LIMS2: variants seen among roughly 807,000 people sequenced by gnomAD.
LIMS2 encodes the protein LIM and senescent cell antigen-like-containing domain protein 2.
In LIMS2, 30 loss-of-function variants were observed where a neutral mutation model predicts 45.3. The ratio of observed to expected loss-of-function variants is 0.66; its 90% CI spans 0.50 to 0.90. LIMS2 has a LOEUF of 0.90. LIMS2 is among the 40% of genes least tolerant of loss of function. LIMS2 has a pLI of 0.00. For synonymous variants in LIMS2, 173 were observed against 188.0 expected (o/e 0.92, Z 0.65); for missense variants, 485 against 468.7 (o/e 1.03, Z -0.32).
At position 127,672,183 on chromosome 2, in the gene LIMS2, A is replaced by G. The variant is rs1366533303; in HGVS notation, c.11+2831T>C. ...AACATCCCAGGCTCCATTTCCAGGA[A>G]TGCCAGGGACAGCTGGGTCCCTAGG... On this transcript the variant is annotated intron_variant, in intron 1 of 9. Coordinates refer to ENST00000355119, the MANE Select transcript of LIMS2 (RefSeq NM_001161403.3). The surrounding 1 kb of genome is among the most constrained non-coding windows in gnomAD (Gnocchi z 4.9). 6.6e-6 allele frequency among the ~76,000 whole-genome samples: 1 copy of G among 152,220 alleles called. No individual in the cohort carries two copies. Among genetic ancestry groups the G allele is most frequent in the African/African-American group, 2.4e-5 (1 of 41,450 alleles).
At chr2:127,662,226 T>C (rs1331086844) in intron 1 of LIMS2, among the ~76,000 whole-genome samples, 1 of 152,162 alleles carries the variant, frequency 6.6e-6, no homozygotes, top group East Asian at 1.9e-4. Flanking sequence ...CAGGAATAGC[T>C]ACCTCCAGGG....
chr2:127,651,162 C>G (rs192682507), intron 4 of LIMS2: 1 of 1,612,884 alleles, frequency 6.2e-7, no homozygotes, highest in Admixed American at 1.7e-5. Context: ...CCTCAAGCTC[C>G]GCAGGCCCCT....
intron 7 of LIMS2, 44 bp from the exon 8 acceptor site, chr2:127,640,362 C>T: frequency 1.2e-6 from 2 of 1,600,954 alleles, no homozygotes; most frequent in Non-Finnish European, 1.7e-6. Flanking sequence ...GGCAGTCACA[C>T]CCCAGCCCAG....
Position 127,640,140 on chromosome 2 carries a change from ACAC to A in LIMS2, c.805_807del (p.Val269del). On this transcript the variant is annotated inframe_deletion and splice_region_variant, in exon 9 of 10. Transcript: ENST00000355119. ...ACACACCAGGCCTTGTTGAGGGCCG[ACAC>A]CACTGTGAGGGAAGCGTGGGACTCA... 6.2e-7 allele frequency: 1 copy of A among 1,613,364 alleles called. No individual in the cohort carries two copies. The highest frequency in any genetic ancestry group is 8.5e-7 in the Non-Finnish European group (1 of 1,180,016).
upstream of LIMS2, among the ~76,000 whole-genome samples, chr2:127,679,960 T>A (rs1301611532): frequency 1.3e-5 from 2 of 152,182 alleles, no homozygotes; most frequent in Non-Finnish European, 2.9e-5. This position sits in a 1 kb window ranked among gnomAD's most constrained non-coding sequence, Gnocchi z 5.3. Flanking sequence ...TGGCCCCGTG[T>A]GATGTGAGGC....
At chr2:127,674,848 C>T (rs1423021599) in intron 1 of LIMS2, 166 bp downstream of exon 1, 1 of 985,228 alleles carries the variant, frequency 1.0e-6, no homozygotes, top group African/African-American at 1.7e-5. Context: ...GGCTGGGGGA[C>T]CCCTGCCCCG....
At position 127,673,728 on chromosome 2, in the gene LIMS2, T is replaced by C. The variant is rs1382707548; in HGVS notation, c.11+1286A>G. The C allele has an allele frequency of 2.6e-6, 4 of 1,551,404 alleles. No homozygotes were observed. In the South Asian group the frequency reaches 4.8e-5, roughly 18 times the overall value. ...CTGCTCCGGACCCTGTTCCTGTCTC[T>C]CCCCACTTTCTTTTCCTAGAAAACA... On this transcript the variant is annotated intron_variant, in intron 1 of 9. Coordinates refer to ENST00000355119, the MANE Select transcript of LIMS2 (RefSeq NM_001161403.3).
At chr2:127,641,273 C>CGAG in intron 6 of LIMS2, 1 of 303,454 alleles carries the variant, frequency 3.3e-6, no homozygotes, top group Non-Finnish European at 6.3e-6. Context: ...TGTGAGTCAC[C>CGAG]ATCCCCTCCC....
intron 4 of LIMS2, chr2:127,648,265 A>C: frequency 1.1e-6 from 1 of 908,456 alleles, no homozygotes; most frequent in Non-Finnish European, 1.3e-6. Context: ...AAACACTCTG[A>C]AGCCGGGGGC....
In LIMS2 at chr2:127,641,982, C is replaced by A. The variant is rs750101912; in HGVS notation, c.660+67G>T. On this transcript the variant is annotated intron_variant, in intron 6 of 9. Coordinates refer to ENST00000355119, the MANE Select transcript of LIMS2 (RefSeq NM_001161403.3). ...CTGGGAGTGTGGAGGAGCTTTAGGGCTCTTACCATGACCCTGAGCTGGGGC... is the reference window on the plus strand; with the variant it reads ...CTGGGAGTGTGGAGGAGCTTTAGGGATCTTACCATGACCCTGAGCTGGGGC... 8 of 1,549,526 alleles carry A rather than the reference C, an allele frequency of 5.2e-6. No homozygotes were observed. In the South Asian group the frequency reaches 9.6e-5, roughly 19 times the overall value.
At chr2:127,674,634 C>T in intron 1 of LIMS2, 3 of 985,432 alleles carry the variant, frequency 3.0e-6, no homozygotes, top group Non-Finnish European at 3.6e-6. Context: ...GATCGGGGAT[C>T]GCACAGCGCG....
Position 127,642,052 on chromosome 2 carries a change from C to G in LIMS2, c.657G>C (p.Val219=). ...VVNALGKQWH[V]EHFVCAKCEK... ...CGTGTCCACCAGCCTGGCTCACCTCCACGTGCCACTGCTTGCCCAGCGCGT... is the reference window on the plus strand; with the variant it reads ...CGTGTCCACCAGCCTGGCTCACCTCGACGTGCCACTGCTTGCCCAGCGCGT... Residue 219 remains valine, a synonymous_variant, in exon 6 of 10, where the codon GTG becomes GTC. Coordinates refer to ENST00000355119, the MANE Select transcript of LIMS2 (RefSeq NM_001161403.3). This position sits in a 1 kb window ranked among gnomAD's most constrained non-coding sequence, Gnocchi z 5.3. 6.2e-7 allele frequency: 1 copy of G among 1,611,252 alleles called. No individual in the cohort carries two copies. The highest frequency in any genetic ancestry group is 8.5e-7 in the Non-Finnish European group (1 of 1,179,130).
chr2:127,643,658 C>CGCTGTGTTGGACGACA (rs1682661375), intron 4 of LIMS2: 1 of 452,230 alleles, frequency 2.2e-6, no homozygotes, highest in African/African-American at 2.0e-5. Flanking sequence ...TGATGCTACT[C>CGCTGTGTTGGACGACA]GCTGTGTTGG....
chr2:127,640,500 G>A, intron 7 of LIMS2, 182 bp from the exon 8 acceptor site: 1 of 660,972 alleles, frequency 1.5e-6, no homozygotes. Context: ...ACCCTTCCGG[G>A]AAGGACAACA....
rs1684002961 is a variant in LIMS2, at chr2:127,653,454, GC to G, written c.359+969del. ...GGCAGCTGAGGACAGCGAGAGAGAGGCCTGAAGTGGAGCCTGGAATTCTCCA... is the reference window on the plus strand; with the variant it reads ...GGCAGCTGAGGACAGCGAGAGAGAGGCTGAAGTGGAGCCTGGAATTCTCCA... On this transcript the variant is annotated intron_variant, in intron 4 of 9. Transcript: ENST00000355119. The surrounding 1 kb of genome is among the most constrained non-coding windows in gnomAD (Gnocchi z 5.3). 6.6e-6 allele frequency among the ~76,000 whole-genome samples: 1 copy of G among 152,188 alleles called. No homozygotes were observed. Among genetic ancestry groups the G allele is most frequent in the Admixed American group, 6.5e-5 (1 of 15,284 alleles).
chr2:127,679,853 A>T (rs1685578953), upstream of LIMS2, among the ~76,000 whole-genome samples: 1 of 152,190 alleles, frequency 6.6e-6, no homozygotes, highest in Admixed American at 6.5e-5. This position sits in a 1 kb window ranked among gnomAD's most constrained non-coding sequence, Gnocchi z 5.3. Context: ...TGCAGCTCTC[A>T]GGAGGCCTCA....
upstream of LIMS2, among the ~76,000 whole-genome samples, chr2:127,677,556 G>T (rs562542196): frequency 6.6e-6 from 1 of 152,120 alleles, no homozygotes; most frequent in African/African-American, 2.4e-5. The surrounding 1 kb of genome is among the most constrained non-coding windows in gnomAD (Gnocchi z 5.0). Flanking sequence ...CTTGGGGTAC[G>T]CAAGGTCAGA....
intron 6 of LIMS2, 115 bp from the exon 7 acceptor site, chr2:127,641,103 A>T: frequency 1.3e-6 from 1 of 758,798 alleles, no homozygotes; most frequent in Non-Finnish European, 2.3e-6. Context: ...AGGGGACCAC[A>T]GTGGCCCCAG....
intron 1 of LIMS2, among the ~76,000 whole-genome samples, chr2:127,666,816 G>T (rs1685026140): frequency 6.6e-6 from 1 of 152,094 alleles, no homozygotes; most frequent in Admixed American, 6.6e-5. Flanking sequence ...CAAGCAAAGG[G>T]GGATGAGCCC....
Sources: gnomAD v4.1 joint callset for allele counts (sites outside exome capture counted in the v4.1 genomes callset) on GRCh38, gnomAD v4.1.1 for gene constraint, Gnocchi (gnomAD v3.1) non-coding constraint, MANE v1.5 for transcripts, NCBI Gene and HGNC (gene_info 2026-07-23, HGNC 2026-07-21) for gene names.